The following NUB1 variants were observed in gnomAD, a reference collection of about 807,000 sequenced individuals.
NUB1 encodes the protein negative regulator of ubiquitin like proteins 1.
NUB1 carries 41 observed loss-of-function variants against 77.1 expected under a neutral mutation model. The ratio of observed to expected loss-of-function variants is 0.53; its 90% CI spans 0.41 to 0.69. The LOEUF (loss-of-function observed/expected upper bound fraction) is 0.69, where lower values mean the gene tolerates loss of function less well. Among genes scored for constraint, NUB1 ranks in the 30% least tolerant of loss-of-function variants. NUB1 has a pLI of 0.00. For missense variants in NUB1, 643 were observed against 743.8 expected, an observed-to-expected ratio of 0.86 and a Z score of 1.58; for synonymous variants, 257 against 281.0, an observed-to-expected ratio of 0.91 and a Z score of 0.85.
chr7:151,344,180 CAAAAAAAAAAAAA>C (rs561127147), intron 1 of NUB1, among the ~76,000 whole-genome samples: 25 of 45,644 alleles, frequency 5.5e-4, no homozygotes, highest in African/African-American at 1.1e-3. Flanking sequence ...GACTCCCTCT[CAAAAAAAAAAAAA>C]AAAAAAAAAA....
intron 10 of NUB1, 34 bp from the exon 11 acceptor site, chr7:151,368,701 T>C: frequency 1.3e-6 from 2 of 1,570,746 alleles, no homozygotes; most frequent in Non-Finnish European, 1.7e-6. Context: ...AGTATTGCCG[T>C]GGTTACATGA....
intron 7 of NUB1, 91 bp downstream of exon 7, chr7:151,356,313 A>G: frequency 1.1e-6 from 1 of 928,952 alleles, no homozygotes; most frequent in Non-Finnish European, 1.7e-6. Flanking sequence ...AAGTGTTGTA[A>G]AGGGTTGGAA....
chr7:151,343,420 G>T (rs1434240769), intron 1 of NUB1, among the ~76,000 whole-genome samples: 1 of 152,202 alleles, frequency 6.6e-6, no homozygotes, highest in Non-Finnish European at 1.5e-5. Flanking sequence ...AAAGTTGTGT[G>T]AATTGGGTTT....
At chr7:151,343,849 T>C (rs1341637799) in intron 1 of NUB1, among the ~76,000 whole-genome samples, 1 of 152,106 alleles carries the variant, frequency 6.6e-6, no homozygotes, top group East Asian at 1.9e-4. Flanking sequence ...CTCAGGGCCC[T>C]AATTTTCTCA....
chr7:151,367,316 C>T (rs911380937), intron 9 of NUB1, among the ~76,000 whole-genome samples, 191 bp downstream of exon 9: 6 of 152,150 alleles, frequency 3.9e-5, no homozygotes, highest in Non-Finnish European at 7.3e-5. Flanking sequence ...TCTTACTTAG[C>T]GTGTGAGCAT....
chr7:151,349,059 AT>A lies in NUB1; in HGVS notation c.118-9del. On this transcript the variant is annotated splice_polypyrimidine_tract_variant and intron_variant, in intron 2 of 14. Coordinates refer to ENST00000568733, the MANE Select transcript of NUB1 (RefSeq NM_001243351.2). The stretch of plus-strand genomic sequence containing the variant: ...TTTTAAGTCAGTATTGCATTTTCTG[AT>A]TTTTCTTGATAGGACCTTGCTAAGC... 1 of 1,583,746 alleles carries A rather than the reference AT, an allele frequency of 6.3e-7. No individual in the cohort carries two copies. The highest frequency in any genetic ancestry group is 8.5e-7 in the Non-Finnish European group (1 of 1,170,216).
At chr7:151,344,479 T>C (rs1796384618) in intron 1 of NUB1, among the ~76,000 whole-genome samples, 2 of 150,376 alleles carry the variant, frequency 1.3e-5, no homozygotes, top group African/African-American at 2.4e-5. Flanking sequence ...CCCGGCTAAT[T>C]GTTCATATAT....
At chr7:151,352,753 T>C in intron 4 of NUB1, 59 bp from the exon 5 acceptor site, 3 of 1,128,410 alleles carry the variant, frequency 2.7e-6, no homozygotes, top group East Asian at 2.4e-5. Context: ...AATGTCTTTT[T>C]AATGGATAAT....
intron 1 of NUB1, among the ~76,000 whole-genome samples, chr7:151,344,397 G>A (rs567852914): frequency 6.6e-6 from 1 of 150,650 alleles, no homozygotes; most frequent in South Asian, 2.1e-4. Flanking sequence ...TACAACCTCT[G>A]CCTCCTGGAT....
chr7:151,365,868 A>G (rs1797652981), intron 8 of NUB1, among the ~76,000 whole-genome samples: 1 of 147,454 alleles, frequency 6.8e-6, no homozygotes, highest in Non-Finnish European at 1.5e-5. Flanking sequence ...TGTTTTAAAG[A>G]GTAAATGACA....
At chr7:151,366,086 A>T (rs1281769755) in intron 8 of NUB1, among the ~76,000 whole-genome samples, 3 of 152,204 alleles carry the variant, frequency 2.0e-5, no homozygotes, top group Non-Finnish European at 4.4e-5. Flanking sequence ...TGGCATTAGG[A>T]ATTTTTAATG....
intron 14 of NUB1, 27 bp downstream of exon 14, chr7:151,376,838 A>G (rs1318920687): frequency 1.3e-6 from 2 of 1,552,494 alleles, no homozygotes; most frequent in South Asian, 2.4e-5. Context: ...TGAGGGCCGC[A>G]TTGAGAGCAA....
intron 2 of NUB1, among the ~76,000 whole-genome samples, chr7:151,346,683 A>G (rs1796518202): frequency 6.6e-6 from 1 of 152,190 alleles, no homozygotes; most frequent in Non-Finnish European, 1.5e-5. Flanking sequence ...CCCCAACTCC[A>G]TGGGACAGAG....
In NUB1 at chr7:151,360,262, A is replaced by T; in HGVS notation, c.800+15A>T. 7.2e-7 allele frequency: 1 copy of T among 1,397,350 alleles called. No homozygotes were observed. Among genetic ancestry groups the T allele is most frequent in the South Asian group, 1.2e-5 (1 of 86,192 alleles). 86.6% of individuals were successfully genotyped at this position (1,397,350 alleles called of 1,614,324 possible). On this transcript the variant is annotated intron_variant, in intron 8 of 14. Transcript: ENST00000568733. ...AAATATTTCTGGTAGGCGCTTTTGT[A>T]CTTGGTGAACACCAGCTTTAAGGAA...
chr7:151,344,208 A>AAAAAAAAAAAAAAC (rs1796361349), intron 1 of NUB1, among the ~76,000 whole-genome samples: 1 of 137,390 alleles, frequency 7.3e-6, no homozygotes, highest in Non-Finnish European at 1.6e-5. Flanking sequence ...AAAAAAAAAA[A>AAAAAAAAAAAAAAC]AAAAAGTAGA....
chr7:151,373,699 A>C (rs758189583), intron 11 of NUB1, among the ~76,000 whole-genome samples: 2 of 152,214 alleles, frequency 1.3e-5, no homozygotes, highest in Non-Finnish European at 2.9e-5. Flanking sequence ...AGGCCTTCCC[A>C]CCGCGTGCAG....
chr7:151,366,527 GAA>G (rs1797692211), intron 8 of NUB1, among the ~76,000 whole-genome samples: 2 of 151,826 alleles, frequency 1.3e-5, no homozygotes, highest in Non-Finnish European at 2.9e-5. Flanking sequence ...CTTAAAGAAA[GAA>G]AGAAAGAAAG....
chr7:151,366,181 C>T (rs1797670979), intron 8 of NUB1, among the ~76,000 whole-genome samples: 2 of 152,310 alleles, frequency 1.3e-5, no homozygotes, highest in South Asian at 4.1e-4. Flanking sequence ...TGCTGTCTTT[C>T]TTCCCTTTGC....
chr7:151,364,525 TTTG>T lies in NUB1; in HGVS notation c.801-2402_801-2400del, dbSNP rs554851535. 1.1e-3 allele frequency among the ~76,000 whole-genome samples: 161 copies of T among 152,228 alleles called. 3 individuals are homozygous for T. In the South Asian group the frequency reaches 0.018, roughly 17 times the overall value. On this transcript the variant is annotated intron_variant, in intron 8 of 14. Transcript: ENST00000568733. ...ACTTAAGCTCAAATGGGATTTAATT[TTTG>T]TTGTTGTTGTTTTTGAGACGGAGTC... is the stretch of plus-strand genomic sequence containing the variant.
Sources: allele counts gnomAD v4.1 joint callset (sites outside exome capture counted in the v4.1 genomes callset), GRCh38; gene constraint gnomAD v4.1.1; transcripts MANE v1.5; gene names NCBI Gene and HGNC (gene_info 2026-07-23, HGNC 2026-07-21).